NHSL1: variants seen among roughly 807,000 people sequenced by gnomAD.
NHSL1 encodes NHS-like protein 1.
Under a neutral mutation model 95.0 loss-of-function variants are expected in NHSL1, and 48 were observed. That is an observed-to-expected ratio of 0.51 (90% CI 0.40 to 0.64). The LOEUF (loss-of-function observed/expected upper bound fraction) is 0.64, where lower values mean the gene tolerates loss of function less well. Among genes scored for constraint, NHSL1 ranks in the 30% least tolerant of loss-of-function variants. The pLI, the probability that NHSL1 is intolerant of heterozygous loss-of-function variation, is 0.00. For missense variants in NHSL1, 1,971 were observed against 2,077.7 expected (o/e 0.95, Z 1.00); for synonymous variants, 783 against 833.9 (o/e 0.94, Z 1.05).
At chr6:138,488,968 T>G (rs1357880174) in intron 2 of NHSL1, among the ~76,000 whole-genome samples, 1 of 152,196 alleles carries the variant, frequency 6.6e-6, no homozygotes, top group Non-Finnish European at 1.5e-5. Flanking sequence ...TCCAGCATTC[T>G]AGGGGTCTTT....
chr6:138,451,300 C>T (rs764658516), intron 3 of NHSL1, among the ~76,000 whole-genome samples: 18 of 152,182 alleles, frequency 1.2e-4, no homozygotes, highest in Non-Finnish European at 2.4e-4. Context: ...CTCCCGTAGA[C>T]ATCCACACAG....
exon 1 of NHSL1, chr6:138,571,744 G>A: frequency 1.3e-6 from 2 of 1,552,070 alleles, no homozygotes; most frequent in South Asian, 1.2e-5. Context: ...TCCAGTTTTC[G>A]TCATCCACTT....
In NHSL1 at chr6:138,496,244, C is replaced by T; in HGVS notation, c.186G>A (p.Lys62=). 6.4e-7 allele frequency: 1 copy of T among 1,550,954 alleles called. No individual in the cohort carries two copies. The highest frequency in any genetic ancestry group is 8.7e-7 in the Non-Finnish European group (1 of 1,146,772). ...PCVEDLHRQA[K]LNLKSVLREC... ...CCCTCAGTACTGATTTGAGGTTGAG[C>T]TTGGCTTGGCGGTGCAGGTCCTCAA... Residue 62 remains lysine (K), a synonymous_variant, in exon 2 of 8, where the codon AAG becomes AAA. Transcript: ENST00000343505.
intron 1 of NHSL1, among the ~76,000 whole-genome samples, chr6:138,590,317 G>A (rs566702443): frequency 3.1e-4 from 47 of 152,174 alleles, no homozygotes; most frequent in African/African-American, 1.1e-3. Context: ...CTTTCATGTT[G>A]CTCTGGTTAT....
chr6:138,589,711 A>T (rs995387197), intron 1 of NHSL1, among the ~76,000 whole-genome samples: 9 of 151,872 alleles, frequency 5.9e-5, no homozygotes, highest in African/African-American at 2.2e-4. Context: ...TGCATCTTCA[A>T]TCTCTTTTTC....
chr6:138,610,056 C>T, intron 1 of NHSL1, among the ~76,000 whole-genome samples: 1 of 152,094 alleles, frequency 6.6e-6, no homozygotes, highest in East Asian at 1.9e-4. Context: ...CATAACACCC[C>T]CACCTGTTTC....
At chr6:138,652,363 C>A (rs183093021) in intron 1 of NHSL1, among the ~76,000 whole-genome samples, 16 of 151,682 alleles carry the variant, frequency 1.1e-4, no homozygotes, top group Admixed American at 4.6e-4. Context: ...ATCACTTGAA[C>A]CCGGAGGCAG....
chr6:138,484,020 C>T (rs998741861), intron 2 of NHSL1, among the ~76,000 whole-genome samples: 1 of 152,172 alleles, frequency 6.6e-6, no homozygotes, highest in Non-Finnish European at 1.5e-5. Context: ...CCATCCACAA[C>T]TCACATATTT....
intron 3 of NHSL1, among the ~76,000 whole-genome samples, chr6:138,464,715 C>CG (rs1554228677): frequency 8.4e-6 from 1 of 119,024 alleles, no homozygotes; most frequent in Non-Finnish European, 1.7e-5. Flanking sequence ...TTTTTCTTTT[C>CG]TTTTTTTTTT....
chr6:138,628,344 A>G (rs1402054265), intron 1 of NHSL1, among the ~76,000 whole-genome samples: 1 of 151,874 alleles, frequency 6.6e-6, no homozygotes, highest in African/African-American at 2.4e-5. Flanking sequence ...TGGTATATCC[A>G]TAGATCCATT....
chr6:138,605,107 A>G (rs767770400), intron 1 of NHSL1, among the ~76,000 whole-genome samples: 2 of 152,234 alleles, frequency 1.3e-5, no homozygotes, highest in Non-Finnish European at 2.9e-5. Context: ...CAACAGTAAC[A>G]TCTTACATAA....
At position 138,527,547 on chromosome 6, in the gene NHSL1, G is replaced by A. The variant is rs969717744; in HGVS notation, c.16+18076C>T. On this transcript the variant is annotated intron_variant, in intron 1 of 4. Transcript: ENST00000342260. Reference sequence around the variant, plus strand: ...ATAAATGGCAAGTCAGAGAGCAGCCGGATTACCAGTGTCCAGGCATTTGTT... The same window carrying A: ...ATAAATGGCAAGTCAGAGAGCAGCCAGATTACCAGTGTCCAGGCATTTGTT... Among the ~76,000 whole-genome samples the A allele has an allele frequency of 3.3e-5, 5 of 152,198 alleles. No individual in the cohort carries two copies. The East Asian group carries it at 7.7e-4, about 23-fold the overall frequency.
At chr6:138,574,211 G>A (rs576547343), upstream of NHSL1, among the ~76,000 whole-genome samples, 17 of 152,320 alleles carry the variant, frequency 1.1e-4, no homozygotes, top group East Asian at 3.3e-3. Flanking sequence ...GATTACAGGC[G>A]TGAGCCACCG....
At chr6:138,518,445 T>C (rs1194260652) in intron 1 of NHSL1, among the ~76,000 whole-genome samples, 2 of 149,130 alleles carry the variant, frequency 1.3e-5, no homozygotes, top group African/African-American at 4.9e-5. Context: ...AGAAAAATAA[T>C]AGAAGTGAGG....
chr6:138,479,568 A>T (rs566646438), intron 2 of NHSL1, among the ~76,000 whole-genome samples: 2 of 152,328 alleles, frequency 1.3e-5, no homozygotes, highest in East Asian at 3.9e-4. Context: ...GTGAGATTTC[A>T]TCACACTGCT....
chr6:138,504,907 G>GCCTAT (rs1780879395), intron 1 of NHSL1, among the ~76,000 whole-genome samples: 1 of 152,104 alleles, frequency 6.6e-6, no homozygotes, highest in Non-Finnish European at 1.5e-5. Flanking sequence ...AAATGTTTCA[G>GCCTAT]GAACCAAATA....
In NHSL1 at chr6:138,430,332, T is replaced by C. The variant is rs996049489; in HGVS notation, c.3952+61A>G. 5 of 1,428,466 alleles carry C rather than the reference T, an allele frequency of 3.5e-6. No individual in the cohort carries two copies. The highest frequency in any genetic ancestry group is 4.6e-6 in the Non-Finnish European group (5 of 1,087,020). The allele number at this position is 1,428,466 out of a possible 1,614,324, so 88.5% of individuals were successfully genotyped here. On this transcript the variant is annotated intron_variant, in intron 6 of 7. Transcript: ENST00000343505. The surrounding 1 kb of genome is among the most constrained non-coding windows in gnomAD (Gnocchi z 4.7). ...CACGTGTGAGCATTCAACAACCCTA[T>C]CTGGTTCAGCTGCATATGGGCAGAG...
intron 1 of NHSL1, among the ~76,000 whole-genome samples, chr6:138,639,797 CAAAAAAAAAA>C (rs56909767): frequency 1.6e-3 from 37 of 22,584 alleles, no homozygotes; most frequent in Non-Finnish European, 3.0e-3. Context: ...GACTCAGTCT[CAAAAAAAAAA>C]AAAAAAAAAA....
At chr6:138,443,731 G>A (rs1776678177) in intron 4 of NHSL1, among the ~76,000 whole-genome samples, 1 of 152,222 alleles carries the variant, frequency 6.6e-6, no homozygotes, top group South Asian at 2.1e-4. Context: ...TCAGGAGGCT[G>A]AGGTGGAAGG....
Sources: gnomAD v4.1 joint callset for allele counts (sites outside exome capture counted in the v4.1 genomes callset) on GRCh38, gnomAD v4.1.1 for gene constraint, Gnocchi (gnomAD v3.1) non-coding constraint, MANE v1.5 for transcripts, NCBI Gene and HGNC (gene_info 2026-07-23, HGNC 2026-07-21) for gene names.